Variants in CPSF3 observed in about 807,000 individuals in gnomAD.
CPSF3 encodes the protein cleavage and polyadenylation specificity factor subunit 3.
Under a neutral mutation model 84.1 loss-of-function variants are expected in CPSF3, and 57 were observed. The ratio of observed to expected loss-of-function variants is 0.68; its 90% CI spans 0.55 to 0.85. The LOEUF (loss-of-function observed/expected upper bound fraction) is 0.85. Ranked by LOEUF, CPSF3 falls within the 40% of genes least tolerant of loss-of-function variation. CPSF3 has a pLI of 0.00. For missense variants in CPSF3, 522 were observed against 838.8 expected (o/e 0.62, Z 4.66); for synonymous variants, 275 against 278.1 (o/e 0.99, Z 0.11).
intron 12 of CPSF3, among the ~76,000 whole-genome samples, chr2:9,454,014 A>G (rs1200166817): frequency 2.6e-5 from 4 of 152,238 alleles, no homozygotes; most frequent in East Asian, 3.8e-4. Context: ...TGAGCCATCA[A>G]TAAGTCATTT....
intron 1 of CPSF3, 75 bp from the exon 2 acceptor site, chr2:9,428,690 T>C: frequency 9.9e-7 from 1 of 1,005,906 alleles, no homozygotes; most frequent in Non-Finnish European, 1.6e-6. Context: ...GTGTACATTG[T>C]AAAAAAGTGT....
At chr2:9,442,390 GT>G (rs1680983137) in intron 9 of CPSF3, among the ~76,000 whole-genome samples, 1 of 152,216 alleles carries the variant, frequency 6.6e-6, no homozygotes, top group Non-Finnish European at 1.5e-5. Context: ...TCTTAGGGAT[GT>G]AGAAATTGTA....
chr2:9,455,690 G>T lies in CPSF3; in HGVS notation c.1536G>T (p.Lys512Asn). 1 of 1,614,070 alleles carries T rather than the reference G, an allele frequency of 6.2e-7. No homozygotes were observed. Among genetic ancestry groups the T allele is most frequent in the Non-Finnish European group, 8.5e-7 (1 of 1,179,966 alleles). The change falls in exon 13 of 18, where the codon AAG becomes AAT. Residue 512 changes from lysine (K) to asparagine (N), a missense_variant. Lys to Asn is a moderately conservative substitution (Grantham distance 94). Transcript: ENST00000238112. ...NYTDLAMSTV[K>N]QTQAIPYTGP... ...CTGACCTGGCCATGAGCACGGTGAAGCAGACCCAAGCCATTCCATATACTG... is the reference window on the plus strand; with the variant it reads ...CTGACCTGGCCATGAGCACGGTGAATCAGACCCAAGCCATTCCATATACTG...
intron 10 of CPSF3, among the ~76,000 whole-genome samples, chr2:9,446,363 G>A (rs1430677236): frequency 2.0e-5 from 3 of 151,942 alleles, no homozygotes; most frequent in African/African-American, 2.4e-5. Context: ...AGCAGATCAC[G>A]AGGTCAGGAG....
Position 9,456,964 on chromosome 2 carries a change from A to T in CPSF3, c.1635A>T (p.Lys545Asn). The T allele has an allele frequency of 6.2e-7, 1 of 1,601,892 alleles. No homozygotes were observed. The highest frequency in any genetic ancestry group is 8.5e-7 in the Non-Finnish European group (1 of 1,173,010). Residue 545 changes from lysine to asparagine, a missense_variant, in exon 14 of 18, where the codon AAA (lysine) becomes AAT (asparagine). Physicochemically the swap from Lys to Asn is moderately conservative, Grantham distance 94. Transcript: ENST00000238112. Reference protein sequence around the residue: ...GDVEELEIQEKPALKVFKNIT... With the variant: ...GDVEELEIQENPALKVFKNIT... ...TGGAAGAATTAGAAATTCAAGAAAA[A>T]CCTGCTCTGAAAGTGTTCAAAAATA...
intron 15 of CPSF3, among the ~76,000 whole-genome samples, chr2:9,466,372 CCACGCACTCGCACACACGCGCACACA>C (rs1558466637): frequency 7.5e-6 from 1 of 133,318 alleles, no homozygotes; most frequent in Non-Finnish European, 1.7e-5. Flanking sequence ...ACGCACACAC[CCACGCACTCGCACACACGCGCACACA>C]CACGCACGCG....
intron 13 of CPSF3, among the ~76,000 whole-genome samples, chr2:9,456,407 TAGAA>T (rs1157724518): frequency 7.9e-5 from 12 of 152,194 alleles, no homozygotes; most frequent in Non-Finnish European, 5.9e-5. Flanking sequence ...AATAAACCAG[TAGAA>T]AGAATCTTTT....
chr2:9,456,989 A>G lies in CPSF3; in HGVS notation c.1660A>G (p.Ile554Val). Residue 554 changes from isoleucine to valine, a missense_variant, in exon 14 of 18, where the codon ATT becomes GTT. Physicochemically the swap from Ile to Val is conservative, Grantham distance 29. Transcript: ENST00000238112. ...EKPALKVFKNITVIQEPGMVV... is the reference protein window; with the variant it reads ...EKPALKVFKNVTVIQEPGMVV... The stretch of plus-strand genomic sequence containing the variant: ...ACCTGCTCTGAAAGTGTTCAAAAAT[A>G]TTACTGTAATACAAGAACCAGGCAT... 6.2e-7 allele frequency: 1 copy of G among 1,603,362 alleles called. No individual in the cohort carries two copies. The highest frequency in any genetic ancestry group is 8.5e-7 in the Non-Finnish European group (1 of 1,173,994).
At chr2:9,430,172 T>C (rs1366982879) in intron 3 of CPSF3, 152 bp downstream of exon 3, 2 of 555,084 alleles carry the variant, frequency 3.6e-6, no homozygotes, top group South Asian at 5.0e-5. Flanking sequence ...CACTCCGTAA[T>C]GTCATCACAG....
Position 9,468,169 on chromosome 2 carries a change from CTCT to C in CPSF3, c.1856+398_1856+400del, listed in dbSNP as rs1348785430. ...CTTTGTAAAATGGTGTTCTTCTAGA[CTCT>C]TCTTAGTCTGTAAGCGATGAATTAA... is the stretch of plus-strand genomic sequence containing the variant. On this transcript the variant is annotated intron_variant, in intron 16 of 17. Coordinates refer to ENST00000238112, the MANE Select transcript of CPSF3 (RefSeq NM_016207.4). Among the ~76,000 whole-genome samples, 6 of 152,278 alleles carry C rather than the reference CTCT, an allele frequency of 3.9e-5. No homozygotes were observed. The South Asian group carries it at 6.2e-4, about 16-fold the overall frequency.
chr2:9,466,414 A>ACGCACACGCG (rs1288889024), intron 15 of CPSF3, among the ~76,000 whole-genome samples: 28 of 146,150 alleles, frequency 1.9e-4, no homozygotes, highest in African/African-American at 6.8e-4. Context: ...ACGCGCACAC[A>ACGCACACGCG]CGCACACGCG....
chr2:9,430,100 TG>T (rs1680528894), intron 3 of CPSF3, 80 bp downstream of exon 3: 1 of 903,686 alleles, frequency 1.1e-6, no homozygotes, highest in Non-Finnish European at 1.7e-6. Context: ...TTTGAGAGTT[TG>T]GTTTTTTAAA....
intron 10 of CPSF3, among the ~76,000 whole-genome samples, chr2:9,446,425 A>C (rs964817293): frequency 6.6e-6 from 1 of 151,980 alleles, no homozygotes; most frequent in Admixed American, 6.6e-5. Context: ...CTAAAAATAC[A>C]AAAAAATTAG....
At chr2:9,472,863 A>G (rs1230153685) in intron 17 of CPSF3, 53 bp from the exon 18 acceptor site, 10 of 1,186,358 alleles carry the variant, frequency 8.4e-6, no homozygotes, top group Non-Finnish European at 7.5e-6. Flanking sequence ...TTTATCTTCT[A>G]TATAATCATT....
Position 9,429,870 on chromosome 2 carries a change from G to T in CPSF3, c.115-53G>T. The T allele has an allele frequency of 3.2e-6, 4 of 1,258,928 alleles. No individual in the cohort carries two copies. The South Asian group carries it at 4.0e-5, about 13-fold the overall frequency. 78.0% of individuals were successfully genotyped at this position (1,258,928 alleles called of 1,614,324 possible). A position where few individuals can be genotyped will look rare whatever the true frequency, so the allele number is the denominator to read the frequency against. ...TAGAATTATTGCCTATTTGCCGAAT[G>T]AATTTTAATAAAATGTGCAGGAGAT... On this transcript the variant is annotated intron_variant, in intron 2 of 17. Coordinates refer to ENST00000238112, the MANE Select transcript of CPSF3 (RefSeq NM_016207.4).
chr2:9,452,099 T>C (rs927709904), intron 11 of CPSF3, among the ~76,000 whole-genome samples: 2 of 151,926 alleles, frequency 1.3e-5, no homozygotes, highest in African/African-American at 4.8e-5. Flanking sequence ...GAGGCCGAGG[T>C]GGGCAGATCA....
At chr2:9,466,914 G>A (rs1276589443) in intron 15 of CPSF3, among the ~76,000 whole-genome samples, 1 of 152,158 alleles carries the variant, frequency 6.6e-6, no homozygotes, top group Non-Finnish European at 1.5e-5. Flanking sequence ...ATCTGTTAAT[G>A]GATACTTCGG....
intron 16 of CPSF3, among the ~76,000 whole-genome samples, chr2:9,468,462 G>A (rs1287600788): frequency 6.6e-6 from 1 of 151,604 alleles, no homozygotes; most frequent in Non-Finnish European, 1.5e-5. Context: ...TGGGCTCAAG[G>A]GATCCTCCTG....
At chr2:9,450,442 A>G (rs2124839688) in intron 11 of CPSF3, among the ~76,000 whole-genome samples, 1 of 151,410 alleles carries the variant, frequency 6.6e-6, no homozygotes, top group South Asian at 2.1e-4. Flanking sequence ...GGCGTGACCC[A>G]CCGTGCCCAG....
Sources: gnomAD v4.1 joint callset for allele counts (sites outside exome capture counted in the v4.1 genomes callset) on GRCh38, gnomAD v4.1.1 for gene constraint, MANE v1.5 for transcripts, NCBI Gene and HGNC (gene_info 2026-07-23, HGNC 2026-07-21) for gene names.